NAV2: variants seen among roughly 807,000 people sequenced by gnomAD.
The protein encoded by NAV2 is neuron navigator 2, also known as helicase, APC down-regulated 1.
Under a neutral mutation model 223.2 loss-of-function variants are expected in NAV2, and 54 were observed. The observed-to-expected ratio is 0.24, with a 90% CI of 0.19 to 0.30. NAV2 has a LOEUF of 0.30. Among genes scored for constraint, NAV2 ranks in the 10% least tolerant of loss-of-function variants. The pLI is 1.00. For missense variants in NAV2, 2,806 were observed against 3,147.5 expected (o/e 0.89, Z 2.60); for synonymous variants, 1,279 against 1,239.3 (o/e 1.03, Z -0.67).
chr11:19,674,826 G>A (rs370499887), intron 1 of NAV2, among the ~76,000 whole-genome samples: 2 of 152,194 alleles, frequency 1.3e-5, no homozygotes, highest in African/African-American at 2.4e-5. Context: ...AGAGGCAGTA[G>A]CTATTAGGAG....
chr11:19,425,457 CAG>C (rs1850789979), intron 1 of NAV2, among the ~76,000 whole-genome samples: 1 of 152,190 alleles, frequency 6.6e-6, no homozygotes, highest in South Asian at 2.1e-4. Context: ...TCATTCCATC[CAG>C]AGACAGCCTG....
intron 1 of NAV2, among the ~76,000 whole-genome samples, chr11:19,646,559 G>T (rs932056686): frequency 7.9e-5 from 12 of 152,252 alleles, no homozygotes; most frequent in Admixed American, 4.6e-4. Flanking sequence ...GAAGTCAGAG[G>T]GCAGGAGGAA....
chr11:19,968,653 G>T (rs1219120253), intron 10 of NAV2, among the ~76,000 whole-genome samples: 1 of 152,182 alleles, frequency 6.6e-6, no homozygotes, highest in Non-Finnish European at 1.5e-5. Context: ...CTACCTTCTT[G>T]TGGAAGTGGA....
chr11:20,044,169 C>A lies in NAV2; in HGVS notation c.3096C>A (p.Ser1032=). 6.2e-7 allele frequency: 1 copy of A among 1,614,180 alleles called. No individual in the cohort carries two copies. Among genetic ancestry groups the A allele is most frequent in the Middle Eastern group, 1.6e-4 (1 of 6,062 alleles). The part of the protein sequence containing the change: ...STSGKKNPVI[S]QTGSWRRGMT... ...CGGGCAAGAAGAATCCTGTCATCTCCCAGACAGGCTCATGGCGGCGAGGCA... is the reference window on the plus strand; with the variant it reads ...CGGGCAAGAAGAATCCTGTCATCTCACAGACAGGCTCATGGCGGCGAGGCA... The change falls in exon 13 of 38, where the codon TCC becomes TCA. Residue 1032 remains serine (S), a synonymous_variant. Coordinates refer to ENST00000349880, the MANE Select transcript of NAV2 (RefSeq NM_145117.5).
In NAV2 at chr11:19,715,306, C is replaced by T. The variant is rs150662101; in HGVS notation, c.267+1344C>T. On this transcript the variant is annotated intron_variant, in intron 1 of 37. Transcript: ENST00000349880. ...GTGTGGGAGGAAGGCAAGATTTCCT[C>T]CAGTGCTCCGGGGGCCTGCCTCTGT... 4.6e-3 allele frequency among the ~76,000 whole-genome samples: 694 copies of T among 152,296 alleles called. 2 individuals carry two copies. The highest frequency in any genetic ancestry group is 0.016 in the African/African-American group (657 of 41,558).
chr11:19,471,525 A>G (rs1345236350), intron 1 of NAV2, among the ~76,000 whole-genome samples: 1 of 152,144 alleles, frequency 6.6e-6, no homozygotes, highest in Non-Finnish European at 1.5e-5. Flanking sequence ...AGGAGGTGCT[A>G]TTACCATCAC....
chr11:19,401,400 GTAAA>G (rs1239677428), intron 1 of NAV2, among the ~76,000 whole-genome samples: 1 of 152,166 alleles, frequency 6.6e-6, no homozygotes, highest in Non-Finnish European at 1.5e-5. Context: ...GTGTTGATAG[GTAAA>G]TAAATAACTT....
chr11:19,557,256 G>A (rs1046484149), intron 1 of NAV2, among the ~76,000 whole-genome samples: 2 of 152,198 alleles, frequency 1.3e-5, no homozygotes, highest in African/African-American at 4.8e-5. Context: ...GAGGTTAAGA[G>A]ACTTGTCCAA....
intron 1 of NAV2, among the ~76,000 whole-genome samples, chr11:19,718,815 C>A (rs2050523109): frequency 6.6e-6 from 1 of 152,086 alleles, no homozygotes; most frequent in South Asian, 2.1e-4. Flanking sequence ...TATATAAATA[C>A]ATCTACTTCT....
At chr11:19,641,185 T>C (rs1035082726) in intron 1 of NAV2, among the ~76,000 whole-genome samples, 2 of 152,162 alleles carry the variant, frequency 1.3e-5, no homozygotes, top group East Asian at 3.9e-4. Context: ...GGATGAGGTA[T>C]GATTTCAAAG....
intron 1 of NAV2, among the ~76,000 whole-genome samples, chr11:19,596,053 T>A (rs1223688489): frequency 2.0e-5 from 3 of 152,228 alleles, no homozygotes; most frequent in African/African-American, 7.2e-5. Context: ...TTAAAAATGG[T>A]ATTAGTCACC....
chr11:19,787,657 C>G (rs941970824), intron 1 of NAV2, among the ~76,000 whole-genome samples: 2 of 152,008 alleles, frequency 1.3e-5, no homozygotes, highest in African/African-American at 4.8e-5. Flanking sequence ...GGTGTGTATG[C>G]GATAGCATGA....
chr11:19,371,971 G>A (rs1848486321), intron 1 of NAV2, among the ~76,000 whole-genome samples: 1 of 151,930 alleles, frequency 6.6e-6, no homozygotes, highest in Admixed American at 6.6e-5. Context: ...TAGAGACAGG[G>A]TTTTACCATG....
At chr11:19,590,588 G>C (rs1002536946) in intron 1 of NAV2, among the ~76,000 whole-genome samples, 1 of 152,176 alleles carries the variant, frequency 6.6e-6, no homozygotes, top group South Asian at 2.1e-4. Context: ...TGGAAAAGCT[G>C]TCTTTTACAG....
chr11:19,350,908 T>C, exon 1 of NAV2: 1 of 1,539,340 alleles, frequency 6.5e-7, no homozygotes, highest in Non-Finnish European at 8.8e-7. Context: ...CCTCTGTGGA[T>C]TTGGAAGCAT....
intron 1 of NAV2, among the ~76,000 whole-genome samples, chr11:19,441,860 C>T (rs549879387): frequency 3.0e-4 from 45 of 152,188 alleles, no homozygotes; most frequent in Non-Finnish European, 5.6e-4. Flanking sequence ...AGCATTAGCA[C>T]GTATTCAATT....
chr11:19,766,916 G>T (rs1343524793), intron 1 of NAV2, among the ~76,000 whole-genome samples: 5 of 152,170 alleles, frequency 3.3e-5, no homozygotes, highest in African/African-American at 7.2e-5. Context: ...CCCTTGGGGG[G>T]TGGACTGCAG....
chr11:20,000,449 T>C (rs2052428785), intron 11 of NAV2, among the ~76,000 whole-genome samples: 1 of 152,112 alleles, frequency 6.6e-6, no homozygotes, highest in Non-Finnish European at 1.5e-5. Flanking sequence ...TGAAGCTGCC[T>C]GGGGGAGGGC....
At chr11:19,631,343 G>A (rs1266530952) in intron 1 of NAV2, among the ~76,000 whole-genome samples, 2 of 151,680 alleles carry the variant, frequency 1.3e-5, no homozygotes, top group Non-Finnish European at 2.9e-5. Flanking sequence ...ACCTATGAGT[G>A]AGAACATGCG....
Sources: allele counts gnomAD v4.1 joint callset (sites outside exome capture counted in the v4.1 genomes callset), GRCh38; gene constraint gnomAD v4.1.1; transcripts MANE v1.5; gene names NCBI Gene and HGNC (gene_info 2026-07-23, HGNC 2026-07-21).